LUZP2: variants seen among roughly 807,000 people sequenced by gnomAD.
LUZP2 encodes the protein leucine zipper protein 2.
In LUZP2, 52 loss-of-function variants were observed where a neutral mutation model predicts 51.6. That is an observed-to-expected ratio of 1.01 (90% CI 0.81 to 1.27). The LOEUF (loss-of-function observed/expected upper bound fraction) is 1.27. Among genes scored for constraint, LUZP2 ranks in the 50% most tolerant of loss-of-function variants. The pLI is 0.00. For synonymous variants in LUZP2, 154 were observed against 137.3 expected (o/e 1.12, Z -0.85); for missense variants, 436 against 395.4 (o/e 1.10, Z -0.87).
chr11:24,575,721 T>C (rs1852622092), intron 1 of LUZP2, among the ~76,000 whole-genome samples: 1 of 152,180 alleles, frequency 6.6e-6, no homozygotes, highest in Admixed American at 6.6e-5. Flanking sequence ...AGTTTTTTAA[T>C]ATGAGAGGCT....
intron 8 of LUZP2, among the ~76,000 whole-genome samples, chr11:24,978,093 A>G (rs944666853): frequency 6.6e-6 from 1 of 151,634 alleles, no homozygotes; most frequent in South Asian, 2.1e-4. Context: ...CCTTCTAACC[A>G]TCAGTTTGTA....
intron 1 of LUZP2, among the ~76,000 whole-genome samples, chr11:24,720,235 T>C (rs764799632): frequency 1.4e-5 from 2 of 139,324 alleles, no homozygotes; most frequent in Non-Finnish European, 3.2e-5. Flanking sequence ...ACAAATTCTT[T>C]CAGATAATAG....
At chr11:25,057,820 T>G (rs7104714) in intron 10 of LUZP2, among the ~76,000 whole-genome samples, 80,812 of 151,638 alleles carry the variant, frequency 0.53, 22,332 homozygotes, top group African/African-American at 0.62. Flanking sequence ...CTATTCAACA[T>G]AAAAATATTG....
chr11:25,013,631 T>C (rs1857043825), intron 9 of LUZP2, among the ~76,000 whole-genome samples: 1 of 152,114 alleles, frequency 6.6e-6, no homozygotes, highest in South Asian at 2.1e-4. Flanking sequence ...ATTATTTTAA[T>C]ATGGATACAG....
chr11:24,536,729 G>A (rs913151702), intron 1 of LUZP2, among the ~76,000 whole-genome samples: 6 of 151,894 alleles, frequency 4.0e-5, no homozygotes, highest in Non-Finnish European at 8.8e-5. Context: ...ATTCACTGGA[G>A]TAGCACTTTT....
At chr11:24,760,418 C>G (rs1268398579) in intron 4 of LUZP2, among the ~76,000 whole-genome samples, 2 of 151,960 alleles carry the variant, frequency 1.3e-5, no homozygotes, top group Non-Finnish European at 2.9e-5. Flanking sequence ...GTGGTGATAC[C>G]TTGGTTTTTC....
intron 1 of LUZP2, among the ~76,000 whole-genome samples, chr11:24,542,863 A>T (rs1251024725): frequency 2.6e-5 from 4 of 151,956 alleles, no homozygotes; most frequent in Non-Finnish European, 5.9e-5. Flanking sequence ...ATGGTTTCCA[A>T]AGTATTATGG....
At chr11:24,958,474 G>A (rs1441593020) in intron 7 of LUZP2, among the ~76,000 whole-genome samples, 1 of 152,104 alleles carries the variant, frequency 6.6e-6, no homozygotes, top group Non-Finnish European at 1.5e-5. Flanking sequence ...AACTCATTGT[G>A]GTTTTGATTT....
chr11:25,044,006 T>TAGTCTATATATATCTGATATATATAG (rs1554960047), intron 9 of LUZP2, among the ~76,000 whole-genome samples: 2,689 of 97,060 alleles, frequency 0.028, 171 homozygotes, highest in African/African-American at 0.12. Context: ...ATCTGATATA[T>TAGTCTATATATATCTGATATATATAG]AGTCTATATA....
chr11:24,703,313 A>G (rs1029645079), intron 1 of LUZP2, among the ~76,000 whole-genome samples: 2 of 152,160 alleles, frequency 1.3e-5, no homozygotes, highest in South Asian at 2.1e-4. Context: ...GTCTGTGCAT[A>G]TATTATGGGT....
chr11:24,971,833 G>A (rs2133896830), intron 7 of LUZP2, among the ~76,000 whole-genome samples: 1 of 152,076 alleles, frequency 6.6e-6, no homozygotes, highest in Admixed American at 6.6e-5. Flanking sequence ...GGTAAAAAAA[G>A]GTAAATCATT....
intron 5 of LUZP2, among the ~76,000 whole-genome samples, chr11:24,802,726 A>G (rs1483996727): frequency 6.6e-6 from 1 of 151,894 alleles, no homozygotes; most frequent in African/African-American, 2.4e-5. Context: ...TGTTTTATGT[A>G]CCTTGCTATG....
intron 9 of LUZP2, among the ~76,000 whole-genome samples, chr11:25,015,329 A>G (rs1471421824): frequency 6.6e-6 from 1 of 152,166 alleles, no homozygotes; most frequent in Middle Eastern, 3.2e-3. Context: ...ATCTTATATA[A>G]TCATGCTACA....
chr11:24,562,750 T>A, intron 1 of LUZP2, among the ~76,000 whole-genome samples: 1 of 148,368 alleles, frequency 6.7e-6, no homozygotes, highest in Admixed American at 6.7e-5. Context: ...TAGTCCTAGC[T>A]ACTTGGGAGG....
chr11:24,897,332 A>C (rs945324703), intron 5 of LUZP2, among the ~76,000 whole-genome samples: 4 of 152,172 alleles, frequency 2.6e-5, no homozygotes, highest in African/African-American at 9.7e-5. Flanking sequence ...GCCTCTGTGG[A>C]AGCTTTGTTG....
chr11:24,688,575 T>TG (rs2133884214), intron 1 of LUZP2, among the ~76,000 whole-genome samples: 1 of 35,066 alleles, frequency 2.9e-5, no homozygotes, highest in African/African-American at 9.0e-5. Context: ...AACTCCCAGG[T>TG]ATGACCTTTT....
intron 5 of LUZP2, among the ~76,000 whole-genome samples, chr11:24,825,064 A>G (rs1000668962): frequency 2.6e-5 from 4 of 152,170 alleles, no homozygotes; most frequent in Non-Finnish European, 4.4e-5. Flanking sequence ...ATGTGTGTAC[A>G]CTATGTGTAA....
intron 1 of LUZP2, among the ~76,000 whole-genome samples, chr11:24,634,675 C>CTGTT (rs1488033718): frequency 6.6e-6 from 1 of 151,296 alleles, no homozygotes; most frequent in East Asian, 1.9e-4. Context: ...GACCATAGAG[C>CTGTT]TGTTTGTTTT....
intron 1 of LUZP2, among the ~76,000 whole-genome samples, chr11:24,665,322 T>A (rs1856177612): frequency 6.6e-6 from 1 of 152,184 alleles, no homozygotes; most frequent in Non-Finnish European, 1.5e-5. Context: ...AGAAAGTAAC[T>A]AACTTGCTTT....
Sources: gnomAD v4.1 joint callset for allele counts (sites outside exome capture counted in the v4.1 genomes callset) on GRCh38, gnomAD v4.1.1 for gene constraint, MANE v1.5 for transcripts, NCBI Gene and HGNC (gene_info 2026-07-23, HGNC 2026-07-21) for gene names.